PARP11: variants seen among roughly 807,000 people sequenced by gnomAD.
PARP11 encodes the protein protein mono-ADP-ribosyltransferase PARP11.
In PARP11, 31 loss-of-function variants were observed where a neutral mutation model predicts 42.9. The observed-to-expected ratio is 0.72, with a 90% CI of 0.54 to 0.98. The LOEUF is 0.98. Ranked by LOEUF, PARP11 falls within the 50% of genes least tolerant of loss-of-function variation. PARP11 has a pLI of 0.00. For missense variants in PARP11, 365 were observed against 413.1 expected (o/e 0.88, Z 1.01); for synonymous variants, 137 against 127.3 (o/e 1.08, Z -0.51).
chr12:3,863,380 C>T (rs773203945), intron 1 of PARP11, among the ~76,000 whole-genome samples: 25 of 152,180 alleles, frequency 1.6e-4, no homozygotes, highest in Non-Finnish European at 3.1e-4. Context: ...CTTAGAACCT[C>T]TAGTAGAATA....
In PARP11 at chr12:3,829,016, A is replaced by G. The variant is rs1167179156; in HGVS notation, c.162T>C (p.Ser54=). 1 of 1,613,816 alleles carries G rather than the reference A, an allele frequency of 6.2e-7. No individual in the cohort carries two copies. Among genetic ancestry groups the G allele is most frequent in the East Asian group, 2.2e-5 (1 of 44,880 alleles). The stretch of plus-strand genomic sequence containing the variant: ...TATCTTCACTGCTAACTGAACACTG[A>G]CTGTTGGTATCCGGCTTTAAGACAA... The part of the protein sequence containing the change: ...KWHMFQPDTN[S]QCSVSSEDIE... The change falls in exon 3 of 8, where the codon AGT becomes AGC. Residue 54 remains serine (S), a synonymous_variant. Coordinates refer to ENST00000228820, the MANE Select transcript of PARP11 (RefSeq NM_020367.6).
intron 1 of PARP11, chr12:3,842,552 T>C: frequency 7.2e-7 from 1 of 1,396,674 alleles, no homozygotes; most frequent in East Asian, 2.3e-5. Context: ...ACAGAAACTC[T>C]TAGGTGGAAT....
In PARP11 at chr12:3,864,715, T is replaced by C. The variant is rs139088320; in HGVS notation, c.18+8497A>G. On this transcript the variant is annotated intron_variant, in intron 1 of 7. Coordinates refer to ENST00000228820, the MANE Select transcript of PARP11 (RefSeq NM_020367.6). ...TATAAAGTTGTTCATAACATTCCTT[T>C]ATTATCCTTTTAATGTCTTTAGAAT... 6.0e-4 allele frequency among the ~76,000 whole-genome samples: 91 copies of C among 152,320 alleles called. No individual in the cohort carries two copies. In the East Asian group the frequency reaches 0.017, roughly 28 times the overall value.
intron 1 of PARP11, among the ~76,000 whole-genome samples, chr12:3,858,317 A>C (rs1948226820): frequency 6.6e-6 from 1 of 152,240 alleles, no homozygotes. Flanking sequence ...AACAGTGATA[A>C]AGATAACATT....
At chr12:3,841,753 G>A in intron 1 of PARP11, 4 of 1,612,846 alleles carry the variant, frequency 2.5e-6, no homozygotes, top group Non-Finnish European at 2.5e-6. Flanking sequence ...CTTTCCTCAT[G>A]TTTGGCATGG....
Position 3,840,472 on chromosome 12 carries a change from T to A in PARP11, c.19-10454A>T. On this transcript the variant is annotated intron_variant, in intron 1 of 7. Transcript: ENST00000228820. The surrounding 1 kb of genome is among the most constrained non-coding windows in gnomAD (Gnocchi z 4.4). ...TCCTTCAGGAGTAAGACAACGTGAG[T>A]TCTCTAGTCATTCTTCAGGGTCACA... 1 of 1,613,112 alleles carries A rather than the reference T, an allele frequency of 6.2e-7. No individual in the cohort carries two copies. The highest frequency in any genetic ancestry group is 2.2e-5 in the East Asian group (1 of 44,862).
chr12:3,825,432 A>G (rs1054903664), intron 4 of PARP11, among the ~76,000 whole-genome samples: 1 of 152,190 alleles, frequency 6.6e-6, no homozygotes. Flanking sequence ...GAGTTGACCA[A>G]TGGAGATCAA....
At chr12:3,848,971 A>C (rs919801216) in intron 1 of PARP11, among the ~76,000 whole-genome samples, 4 of 152,042 alleles carry the variant, frequency 2.6e-5, no homozygotes, top group Non-Finnish European at 4.4e-5. Flanking sequence ...GAAAAAAAAA[A>C]ACACAAATAA....
intron 1 of PARP11, among the ~76,000 whole-genome samples, chr12:3,852,357 T>G (rs1948112803): frequency 6.6e-6 from 1 of 152,172 alleles, no homozygotes; most frequent in African/African-American, 2.4e-5. Context: ...GGAAGATGTT[T>G]GAACCCATCG....
chr12:3,829,752 A>G (rs1224994744), intron 2 of PARP11, 138 bp downstream of exon 2: 1 of 839,636 alleles, frequency 1.2e-6, no homozygotes, highest in Non-Finnish European at 1.8e-6. Flanking sequence ...AGAATTTCTA[A>G]CTTTTCTTTT....
intron 1 of PARP11, among the ~76,000 whole-genome samples, chr12:3,838,516 AAAC>A (rs570259041): frequency 1.3e-5 from 2 of 152,166 alleles, no homozygotes; most frequent in African/African-American, 2.4e-5. Flanking sequence ...TAAAAAAAGA[AAAC>A]AACAATCTAA....
At chr12:3,813,385 C>T (rs1158244281) in intron 7 of PARP11, among the ~76,000 whole-genome samples, 1 of 152,158 alleles carries the variant, frequency 6.6e-6, no homozygotes, top group Non-Finnish European at 1.5e-5. Flanking sequence ...ATTTTACTGG[C>T]TCACTGCCTA....
rs754815849 is a variant in PARP11, at chr12:3,812,388, T to C, written c.752A>G (p.Asp251Gly). Residue 251 changes from aspartate (D) to glycine (G), a missense_variant, in exon 8 of 8, where the codon GAC (aspartate) becomes GGC (glycine). Coordinates refer to ENST00000228820, the MANE Select transcript of PARP11 (RefSeq NM_020367.6). The part of the protein sequence containing the change: ...AAYSSRFCKD[D>G]IKHGNTFQIH... Reference sequence around the variant, plus strand: ...TTGGAATGTGTTCCCATGCTTTATGTCATCTTTGCAGAAACGACTGGAATA... The same window carrying C: ...TTGGAATGTGTTCCCATGCTTTATGCCATCTTTGCAGAAACGACTGGAATA... 1.2e-6 allele frequency: 2 copies of C among 1,614,068 alleles called. No homozygotes were observed. The highest frequency in any genetic ancestry group is 2.7e-5 in the African/African-American group (2 of 74,934).
intron 1 of PARP11, among the ~76,000 whole-genome samples, chr12:3,862,621 T>C (rs989847652): frequency 1.3e-5 from 2 of 150,270 alleles, no homozygotes; most frequent in East Asian, 1.9e-4. Context: ...ATAATTTTTA[T>C]AGTATAGCAA....
At chr12:3,822,209 G>A (rs1947410034) in intron 4 of PARP11, 52 bp from the exon 5 acceptor site, 21 of 1,365,572 alleles carry the variant, frequency 1.5e-5, no homozygotes, top group Non-Finnish European at 2.1e-5. Flanking sequence ...TACAATTACT[G>A]TCAAGAACTT....
At chr12:3,842,807 A>G (rs1440588874) in intron 1 of PARP11, among the ~76,000 whole-genome samples, 1 of 152,232 alleles carries the variant, frequency 6.6e-6, no homozygotes, top group African/African-American at 2.4e-5. Context: ...AATATAAAAC[A>G]TTATAGATTT....
intron 1 of PARP11, among the ~76,000 whole-genome samples, chr12:3,856,900 T>G (rs1245911866): frequency 6.6e-6 from 1 of 152,122 alleles, no homozygotes; most frequent in African/African-American, 2.4e-5. Context: ...AATGATAGAC[T>G]GGATTAAGAA....
chr12:3,849,834 T>C (rs1260144049), intron 1 of PARP11, among the ~76,000 whole-genome samples: 1 of 152,204 alleles, frequency 6.6e-6, no homozygotes, highest in Non-Finnish European at 1.5e-5. Context: ...GAATGGTTTC[T>C]AGCATAAAGA....
chr12:3,865,210 T>C (rs1485602834), intron 1 of PARP11, among the ~76,000 whole-genome samples: 1 of 152,190 alleles, frequency 6.6e-6, no homozygotes, highest in Non-Finnish European at 1.5e-5. Flanking sequence ...GGTCAGAAAG[T>C]ACATCTTGCT....
Sources: gnomAD v4.1 joint callset for allele counts (sites outside exome capture counted in the v4.1 genomes callset) on GRCh38, gnomAD v4.1.1 for gene constraint, Gnocchi (gnomAD v3.1) non-coding constraint, MANE v1.5 for transcripts, NCBI Gene and HGNC (gene_info 2026-07-23, HGNC 2026-07-21) for gene names.